The following CD163L1 variants were observed in gnomAD, a reference collection of about 807,000 sequenced individuals.
CD163L1 encodes scavenger receptor cysteine-rich type 1 protein M160.
CD163L1 carries 124 observed loss-of-function variants against 165.4 expected under a neutral mutation model. The ratio of observed to expected loss-of-function variants is 0.75; its 90% CI spans 0.65 to 0.87. The LOEUF is 0.87. Ranked by LOEUF, CD163L1 falls within the 40% of genes least tolerant of loss-of-function variation. The pLI is 0.00. For missense variants in CD163L1, 1,525 were observed against 1,799.9 expected (o/e 0.85, Z 2.76); for synonymous variants, 585 against 662.2 (o/e 0.88, Z 1.79).
chr12:7,334,051 TA>T, the CD163L1 span, among the ~76,000 whole-genome samples: 1 of 144,192 alleles, frequency 6.9e-6, no homozygotes, highest in Non-Finnish European at 1.5e-5. Context: ...AGCCGAATTC[TA>T]CCAGAGGTAC....
At chr12:7,440,991 T>C (rs1424364219) in intron 2 of CD163L1, among the ~76,000 whole-genome samples, 163 bp downstream of exon 2, 1 of 152,224 alleles carries the variant, frequency 6.6e-6, no homozygotes, top group Non-Finnish European at 1.5e-5. Flanking sequence ...ATGAAATGCA[T>C]AAAAATAATT....
chr12:7,329,503 C>T, the CD163L1 span, among the ~76,000 whole-genome samples: 18 of 151,734 alleles, frequency 1.2e-4, no homozygotes, highest in Non-Finnish European at 5.9e-5. Context: ...CATTTGAAAA[C>T]CATTTTTAAC....
chr12:7,371,670 A>G (rs1170464364), intron 14 of CD163L1, among the ~76,000 whole-genome samples: 3 of 152,074 alleles, frequency 2.0e-5, no homozygotes, highest in Non-Finnish European at 4.4e-5. Context: ...ATAATTTTCT[A>G]TATATTTAAG....
At chr12:7,377,664 T>C (rs1400550336) in intron 9 of CD163L1, among the ~76,000 whole-genome samples, 1 of 152,198 alleles carries the variant, frequency 6.6e-6, no homozygotes, top group African/African-American at 2.4e-5. Flanking sequence ...TAGTGGAAAT[T>C]GTTCAGTTTC....
intron 18 of CD163L1, among the ~76,000 whole-genome samples, chr12:7,359,876 T>C (rs1397277151): frequency 6.6e-6 from 1 of 152,154 alleles, no homozygotes; most frequent in Non-Finnish European, 1.5e-5. Context: ...GAAATCTGTA[T>C]TCATTTTAAT....
downstream of CD163L1, among the ~76,000 whole-genome samples, chr12:7,354,497 AC>A (rs1446061690): frequency 6.6e-6 from 1 of 152,172 alleles, no homozygotes; most frequent in African/African-American, 2.4e-5. Context: ...AACTACAAGA[AC>A]AGCCATAAGT....
rs764518225 is a variant in CD163L1 at position 7,439,713 on chromosome 12, G to A, written c.124+1441C>T. ...CTTTACAGTCCTCCAGGTGAGTCTCGGGCTCCCAGGTATCGTCATCCGATG... is the reference window on the plus strand; with the variant it reads ...CTTTACAGTCCTCCAGGTGAGTCTCAGGCTCCCAGGTATCGTCATCCGATG... On this transcript the variant is annotated intron_variant, in intron 2 of 19. Coordinates refer to ENST00000313599, the MANE Select transcript of CD163L1 (RefSeq NM_174941.6). 4 of 1,610,686 alleles carry A rather than the reference G, an allele frequency of 2.5e-6. No homozygotes were observed. In the African/African-American group the frequency reaches 5.3e-5, roughly 22 times the overall value.
chr12:7,326,308 G>A, the CD163L1 span, among the ~76,000 whole-genome samples: 6 of 152,082 alleles, frequency 3.9e-5, no homozygotes, highest in South Asian at 6.2e-4. Flanking sequence ...GGGCTCAGTC[G>A]ATCCTCCTGC....
chr12:7,386,776 C>G (rs1591909648), intron 8 of CD163L1, among the ~76,000 whole-genome samples: 1 of 151,914 alleles, frequency 6.6e-6, no homozygotes, highest in Non-Finnish European at 1.5e-5. Flanking sequence ...ATTCAACATC[C>G]CTTCATAATA....
At chr12:7,413,541 T>G (rs1056458572) in intron 4 of CD163L1, among the ~76,000 whole-genome samples, 2 of 152,190 alleles carry the variant, frequency 1.3e-5, no homozygotes, top group African/African-American at 4.8e-5. Context: ...CTCCGCTAGC[T>G]AATATTTACC....
chr12:7,385,207 G>A (rs1947491050), intron 8 of CD163L1, among the ~76,000 whole-genome samples: 1 of 149,822 alleles, frequency 6.7e-6, no homozygotes, highest in Non-Finnish European at 1.5e-5. Flanking sequence ...AGTAGAAATA[G>A]CTATATTTAT....
rs183398616 is a variant in CD163L1, at chr12:7,391,618, A to T, written c.2050+4477T>A. Among the ~76,000 whole-genome samples the T allele has an allele frequency of 4.6e-4, 70 of 152,112 alleles. No homozygotes were observed. The East Asian group carries it at 6.0e-3, about 13-fold the overall frequency. ...AATTCAATCAAGTGGAAGAAAGGAT[A>T]TCAGTGATTGAAGACTTGGATAAAG... On this transcript the variant is annotated intron_variant, in intron 8 of 19. Transcript: ENST00000313599.
rs766842652 is a variant in CD163L1 at position 7,429,316 on chromosome 12, G to A, written c.766+3100C>T. ...ATGTTTTAAGAATTTCCTTGGATTT[G>A]TCTTTATAGAAAATTTGTAAACCAC... On this transcript the variant is annotated intron_variant, in intron 4 of 19. Transcript: ENST00000313599. Among the ~76,000 whole-genome samples, 165 of 152,108 alleles carry A rather than the reference G, an allele frequency of 1.1e-3. 1 individual carries two copies. The highest frequency in any genetic ancestry group is 3.9e-3 in the African/African-American group (162 of 41,530).
intron 6 of CD163L1, among the ~76,000 whole-genome samples, chr12:7,399,394 TTTC>T (rs1425217090): frequency 7.1e-6 from 1 of 140,918 alleles, no homozygotes; most frequent in Admixed American, 7.1e-5. Flanking sequence ...TTTCTTTTTC[TTTC>T]TTTCTTTTCC....
chr12:7,325,164 A>G, the CD163L1 span, among the ~76,000 whole-genome samples: 1 of 152,262 alleles, frequency 6.6e-6, no homozygotes, highest in Non-Finnish European at 1.5e-5. Context: ...TCAGACTTGG[A>G]TCATACGTCT....
chr12:7,401,880 C>T (rs901657207), intron 6 of CD163L1, among the ~76,000 whole-genome samples: 1 of 151,172 alleles, frequency 6.6e-6, no homozygotes. Flanking sequence ...TTCCAAAAAG[C>T]AAAAAGTAAT....
chr12:7,321,961 T>C, the CD163L1 span, among the ~76,000 whole-genome samples: 1 of 152,216 alleles, frequency 6.6e-6, no homozygotes, highest in Non-Finnish European at 1.5e-5. Context: ...CAGTCCTTTA[T>C]TACATGGAAG....
the CD163L1 span, chr12:7,323,503 G>T: frequency 1.9e-6 from 3 of 1,613,834 alleles, no homozygotes; most frequent in Non-Finnish European, 2.5e-6. Flanking sequence ...GCAAAGAAGG[G>T]GAAATTGCCC....
At chr12:7,389,946 TTA>T (rs1333218511) in intron 8 of CD163L1, among the ~76,000 whole-genome samples, 2 of 126,834 alleles carry the variant, frequency 1.6e-5, no homozygotes, top group South Asian at 2.6e-4. Context: ...ATTAAACATT[TTA>T]TATATATATA....
Sources: gnomAD v4.1 joint callset for allele counts (sites outside exome capture counted in the v4.1 genomes callset) on GRCh38, gnomAD v4.1.1 for gene constraint, MANE v1.5 for transcripts, NCBI Gene and HGNC (gene_info 2026-07-23, HGNC 2026-07-21) for gene names.